PIF1: variants seen among roughly 807,000 people sequenced by gnomAD.
PIF1 encodes the protein ATP-dependent DNA helicase PIF1.
In PIF1, 67 loss-of-function variants were observed where a neutral mutation model predicts 62.3. That is an observed-to-expected ratio of 1.08 (90% confidence interval 0.88 to 1.32). The LOEUF (loss-of-function observed/expected upper bound fraction) is 1.32, where lower values mean the gene tolerates loss of function less well. PIF1 is among the 40% of genes most tolerant of loss of function. PIF1 has a pLI of 0.00. For missense variants in PIF1, 886 were observed against 866.1 expected (o/e 1.02, Z -0.29); for synonymous variants, 364 against 379.5 (o/e 0.96, Z 0.47).
At position 64,824,003 on chromosome 15, in the gene PIF1, G is replaced by A. The variant is rs1452567009; in HGVS notation, c.333C>T (p.Asp111=). ...ATGTGCGCAGGAAGCGGCGCAGGCG[G>A]TCTGGGGGGCAGTCCGAGAGCAGCA... is the stretch of plus-strand genomic sequence containing the variant. ...VQLLLSDCPP[D]RLRRFLRTLR... The change falls in exon 2 of 13, where the codon GAC becomes GAT. Residue 111 remains aspartate, a synonymous_variant. Coordinates refer to ENST00000559239, the MANE Select transcript of PIF1 (RefSeq NM_001286496.2). 3 of 1,298,786 alleles carry A rather than the reference G, an allele frequency of 2.3e-6. No individual in the cohort carries two copies. Among genetic ancestry groups the A allele is most frequent in the African/African-American group, 3.1e-5 (2 of 64,898 alleles). 80.5% of individuals were successfully genotyped at this position (1,298,786 alleles called of 1,614,324 possible).
chr15:64,821,238 T>C lies in PIF1; in HGVS notation c.1015A>G (p.Ile339Val). The change falls in exon 6 of 13, where the codon ATC (isoleucine) becomes GTC (valine). Residue 339 changes from isoleucine to valine, a missense_variant. Physicochemically the swap from Ile to Val is conservative, Grantham distance 29 (BLOSUM62 3). Transcript: ENST00000559239. ...AGCTGCAGAAAGTCCCCACAGATGA[T>C]GAGCTGGATCCCTCCGAATGGCTTG... is the stretch of plus-strand genomic sequence containing the variant. ...QNKPFGGIQLIICGDFLQLPP... is the reference protein window; with the variant it reads ...QNKPFGGIQLVICGDFLQLPP... 2 of 1,614,242 alleles carry C rather than the reference T, an allele frequency of 1.2e-6. No individual in the cohort carries two copies. The highest frequency in any genetic ancestry group is 1.1e-5 in the South Asian group (1 of 91,086).
chr15:64,817,693 C>T (rs1045394603), intron 11 of PIF1, among the ~76,000 whole-genome samples: 1 of 151,766 alleles, frequency 6.6e-6, no homozygotes, highest in Non-Finnish European at 1.5e-5. Context: ...GAAACCTCAT[C>T]TTTACTAAAA....
intron 12 of PIF1, 59 bp from the exon 13 acceptor site, chr15:64,816,416 C>T: frequency 2.5e-6 from 4 of 1,610,488 alleles, no homozygotes; most frequent in Middle Eastern, 1.7e-4. Flanking sequence ...GGACCATAAC[C>T]TGGGGGCCAG....
chr15:64,824,996 TATAC>T (rs2084349250), intron 1 of PIF1, among the ~76,000 whole-genome samples: 1 of 147,132 alleles, frequency 6.8e-6, no homozygotes, highest in East Asian at 2.0e-4. Context: ...TTTCTATATA[TATAC>T]ACACACACAC....
Position 64,822,530 on chromosome 15 carries a change from A to G in PIF1, c.639T>C (p.Ala213=). 1 of 1,613,852 alleles carries G rather than the reference A, an allele frequency of 6.2e-7. No individual in the cohort carries two copies. The highest frequency in any genetic ancestry group is 8.5e-7 in the Non-Finnish European group (1 of 1,179,980). The change falls in exon 3 of 13, where the codon GCT becomes GCC. Residue 213 remains alanine (A), a synonymous_variant. Coordinates refer to ENST00000559239, the MANE Select transcript of PIF1 (RefSeq NM_001286496.2). The part of the protein sequence containing the change: ...TKPQLSEEQA[A]VLRAVLKGQS... ...GGCCTTTCAGGACGGCCCTCAGCAC[A>G]GCAGCCTGTTCCTCAGAAAGCTGTG...
chr15:64,826,703 C>T (rs543823107), upstream of PIF1, among the ~76,000 whole-genome samples: 2 of 127,992 alleles, frequency 1.6e-5, no homozygotes, highest in Non-Finnish European at 3.3e-5. Context: ...CATATATATA[C>T]ACACACATAT....
chr15:64,816,683 CG>C lies in PIF1; in HGVS notation c.1756del (p.Arg586AlafsTer85), dbSNP rs1424369420. 1.2e-6 allele frequency: 2 copies of C among 1,613,654 alleles called. No homozygotes were observed. Among genetic ancestry groups the C allele is most frequent in the East Asian group, 2.2e-5 (1 of 44,882 alleles). ...GQAYVALSRA[R>X]SLQGLRVLDF... ...CAGCACACGTAGGCCCTGCAGGCTG[CG>C]GGCCCGAGAAAGGGCCACATAGGCC... is the stretch of plus-strand genomic sequence containing the variant. On this transcript the variant is annotated frameshift_variant, in exon 12 of 13. Coordinates refer to ENST00000559239, the MANE Select transcript of PIF1 (RefSeq NM_001286496.2). LOFTEE classifies it high-confidence loss of function.
In PIF1 at chr15:64,818,055, T is replaced by G. The variant is rs185487514; in HGVS notation, c.1565A>C (p.Glu522Ala). Residue 522 changes from glutamate (E) to alanine (A), a missense_variant, in exon 11 of 13, where the codon GAG becomes GCG. Transcript: ENST00000559239. ...PQVRFLCGVT[E>A]VIHADRWTVQ... ...CGTCCAGCGGTCAGCGTGGATGACC[T>G]CAGTGACTCCACACAGGAACCGCAC... is the stretch of plus-strand genomic sequence containing the variant. 318 of 1,613,960 alleles carry G rather than the reference T, an allele frequency of 2.0e-4. 1 individual carries two copies. In the East Asian group the frequency reaches 4.7e-3, roughly 24 times the overall value.
At chr15:64,825,064 T>A in intron 1 of PIF1, among the ~76,000 whole-genome samples, 1 of 151,494 alleles carries the variant, frequency 6.6e-6, no homozygotes, top group Non-Finnish European at 1.5e-5. Flanking sequence ...GAGCGGCGGA[T>A]GGGCACCGAG....
Position 64,815,855 on chromosome 15 carries a change from A to G in PIF1, c.*443T>C. On this transcript the variant is annotated 3_prime_UTR_variant, in exon 13 of 13. Transcript: ENST00000559239. ...CACCTAAGTTCCGTTCTCTGTTTGG[A>G]GGCTGCACCCAGCCTGAGTCCCCAC... The G allele has an allele frequency of 1.3e-6, 2 of 1,550,554 alleles. No homozygotes were observed. The highest frequency in any genetic ancestry group is 3.9e-5 in the Admixed American group (2 of 50,988).
At chr15:64,824,410 T>C (rs2084338934) in intron 1 of PIF1, 56 bp from the exon 2 acceptor site, 1 of 1,167,374 alleles carries the variant, frequency 8.6e-7, no homozygotes, top group African/African-American at 1.6e-5. Flanking sequence ...TAATGGGTGC[T>C]ATAGGGGACG....
At chr15:64,820,848 C>T (rs1254443650) in intron 7 of PIF1, 134 bp downstream of exon 7, 1 of 749,194 alleles carries the variant, frequency 1.3e-6, no homozygotes. Context: ...CTGCCCAAGG[C>T]TCCTCTTCCT....
chr15:64,819,067 C>A, intron 9 of PIF1, 50 bp downstream of exon 9: 1 of 1,403,990 alleles, frequency 7.1e-7, no homozygotes, highest in Non-Finnish European at 9.6e-7. Context: ...CAGCAAGGCC[C>A]ATGCGGGACA....
In PIF1 at chr15:64,819,963, T is replaced by A; in HGVS notation, c.1217A>T (p.Gln406Leu). ...CTTGTGGGAAGCTGTGGCCTGGAGC[T>A]GGCGGGTCACCTCATCTGAACACCT... ...LGRCSDEVTRQLQATASHKVG... is the reference protein window; with the variant it reads ...LGRCSDEVTRLLQATASHKVG... Residue 406 changes from glutamine (Q) to leucine (L), a missense_variant, in exon 8 of 13, where the codon CAG becomes CTG. Physicochemically the swap from Gln to Leu is moderately radical, Grantham distance 113 (BLOSUM62 -2). Transcript: ENST00000559239. The A allele has an allele frequency of 6.2e-7, 1 of 1,614,096 alleles. No individual in the cohort carries two copies. The highest frequency in any genetic ancestry group is 8.5e-7 in the Non-Finnish European group (1 of 1,179,994).
rs753726426 is a variant in PIF1, at chr15:64,824,202, A to T, written c.134T>A (p.Leu45Gln). The change falls in exon 2 of 13, where the codon CTG becomes CAG. Residue 45 changes from leucine (L) to glutamine (Q), a missense_variant. Leu to Gln is a moderately radical substitution (Grantham distance 113). Transcript: ENST00000559239. ...CAACTCGCGGCGCTCGTTGCGACCC[A>T]GGCTCAGCTCCGCGGTGCGCAGGGC... Reference protein sequence around the residue: ...RQALRTAELSLGRNERRELML... With the variant: ...RQALRTAELSQGRNERRELML... 1 of 1,356,422 alleles carries T rather than the reference A, an allele frequency of 7.4e-7. No individual in the cohort carries two copies. The highest frequency in any genetic ancestry group is 1.8e-5 in the South Asian group (1 of 56,884). 84.0% of individuals were successfully genotyped at this position (1,356,422 alleles called of 1,614,324 possible). A position where few individuals can be genotyped will look rare whatever the true frequency, so the allele number is the denominator to read the frequency against.
At chr15:64,822,705 C>G in intron 2 of PIF1, 95 bp from the exon 3 acceptor site, 1 of 1,541,764 alleles carries the variant, frequency 6.5e-7, no homozygotes, top group Non-Finnish European at 8.7e-7. Context: ...CCTGGTAACC[C>G]TTTGTCCTCT....
At position 64,816,025 on chromosome 15, in the gene PIF1, A is replaced by T. The variant is rs1235086538; in HGVS notation, c.*273T>A. ...AGAGCTTTGTCCTCTGACATCAGCT[A>T]CCACACAGGCTCATTCTCAACTGGC... is the stretch of plus-strand genomic sequence containing the variant. On this transcript the variant is annotated 3_prime_UTR_variant, in exon 13 of 13. Coordinates refer to ENST00000559239, the MANE Select transcript of PIF1 (RefSeq NM_001286496.2). 7 of 1,479,952 alleles carry T rather than the reference A, an allele frequency of 4.7e-6. No homozygotes were observed. The highest frequency in any genetic ancestry group is 1.8e-4 in the Middle Eastern group (1 of 5,484). The allele number at this position is 1,479,952 out of a possible 1,614,324, so 91.7% of individuals were successfully genotyped here.
At position 64,823,874 on chromosome 15, in the gene PIF1, C is replaced by G; in HGVS notation, c.462G>C (p.Gln154His). 1 of 1,388,730 alleles carries G rather than the reference C, an allele frequency of 7.2e-7. No individual in the cohort carries two copies. The highest frequency in any genetic ancestry group is 1.8e-5 in the South Asian group (1 of 54,688). 86.0% of individuals were successfully genotyped at this position (1,388,730 alleles called of 1,614,324 possible). The change falls in exon 2 of 13, where the codon CAG becomes CAC. Residue 154 changes from glutamine to histidine, a missense_variant. Physicochemically the swap from Gln to His is conservative, Grantham distance 24. Coordinates refer to ENST00000559239, the MANE Select transcript of PIF1 (RefSeq NM_001286496.2). ...CCGCCCTGAGCCGCCGCTCCTCGGG[C>G]TGCACAGGGCTGATGGTGACGAAGT... ...PRDFVTISPVQPEERRLRAAT... is the reference protein window; with the variant it reads ...PRDFVTISPVHPEERRLRAAT...
Position 64,815,688 on chromosome 15 carries a change from A to C in PIF1, c.*610T>G. The C allele has an allele frequency of 6.5e-7, 1 of 1,545,600 alleles. No homozygotes were observed. Among genetic ancestry groups the C allele is most frequent in the South Asian group, 1.2e-5 (1 of 83,380 alleles). On this transcript the variant is annotated 3_prime_UTR_variant, in exon 13 of 13. Coordinates refer to ENST00000559239, the MANE Select transcript of PIF1 (RefSeq NM_001286496.2). ...AAATAAATACAACCTGAGAACATCC[A>C]TTTCAATGTCCCCAAACACTATTTA...
Sources: allele counts gnomAD v4.1 joint callset (sites outside exome capture counted in the v4.1 genomes callset), GRCh38; gene constraint gnomAD v4.1.1; transcripts MANE v1.5; gene names NCBI Gene and HGNC (gene_info 2026-07-23, HGNC 2026-07-21).